ENOX1: variants seen among roughly 807,000 people sequenced by gnomAD.
ENOX1 encodes candidate growth-related and time keeping constitutive hydroquinone (NADH) oxidase.
Under a neutral mutation model 82.5 loss-of-function variants are expected in ENOX1, and 42 were observed. The observed-to-expected ratio is 0.51, with a 90% CI of 0.40 to 0.66. The LOEUF is 0.66. Ranked by LOEUF, ENOX1 falls within the 30% of genes least tolerant of loss-of-function variation. The pLI is 0.00. For synonymous variants in ENOX1, 271 were observed against 282.2 expected (o/e 0.96, Z 0.40); for missense variants, 608 against 811.6 (o/e 0.75, Z 3.05).
At chr13:43,612,561 C>T (rs948951188) in intron 2 of ENOX1, among the ~76,000 whole-genome samples, 2 of 151,972 alleles carry the variant, frequency 1.3e-5, no homozygotes, top group African/African-American at 2.4e-5. Context: ...CTTCCAAAAG[C>T]GAAAAGTAAA....
chr13:43,761,893 G>A (rs1356224048), intron 1 of ENOX1, among the ~76,000 whole-genome samples: 2 of 152,150 alleles, frequency 1.3e-5, no homozygotes, highest in African/African-American at 2.4e-5. Context: ...ATAAAAGTGT[G>A]TCTCTGCTCT....
intron 2 of ENOX1, among the ~76,000 whole-genome samples, chr13:43,575,872 T>G (rs144836132): frequency 2.8e-3 from 429 of 152,300 alleles, no homozygotes; most frequent in Middle Eastern, 0.017. Context: ...TCACTTTGAT[T>G]GTATTTTGGA....
At chr13:43,280,049 G>T (rs1867512) in intron 12 of ENOX1, among the ~76,000 whole-genome samples, 5 of 152,376 alleles carry the variant, frequency 3.3e-5, no homozygotes, top group Non-Finnish European at 7.3e-5. Context: ...ATTCTTATCA[G>T]TTTTGTTTTT....
chr13:43,426,354 A>T (rs1339021264), intron 3 of ENOX1, among the ~76,000 whole-genome samples: 1 of 152,216 alleles, frequency 6.6e-6, no homozygotes, highest in East Asian at 1.9e-4. Context: ...ATAAAAAAGA[A>T]ATCGTGCTGA....
intron 9 of ENOX1, among the ~76,000 whole-genome samples, chr13:43,343,337 C>T (rs145699611): frequency 1.3e-5 from 2 of 152,308 alleles, no homozygotes; most frequent in African/African-American, 4.8e-5. Context: ...AAGTAAAGGG[C>T]CATTCCTCAA....
Position 43,298,436 on chromosome 13 carries a change from T to C in ENOX1, c.1356A>G (p.Gln452=), listed in dbSNP as rs1328439929. The C allele has an allele frequency of 2.5e-6, 4 of 1,614,068 alleles. 1 individual carries two copies. The highest frequency in any genetic ancestry group is 1.7e-5 in the Admixed American group (1 of 60,002). Residue 452 remains glutamine, a synonymous_variant, in exon 12 of 17, where the codon CAA becomes CAG. Coordinates refer to ENST00000690772, the MANE Select transcript of ENOX1 (RefSeq NM_001347969.2). The part of the protein sequence containing the change: ...AYRNEVELLK[Q]EKEQLFRTEE... ...CTGTTCGGAAAAGCTGTTCTTTTTC[T>C]TGTTTCAGCAGCTCCACCTCATTCC...
chr13:43,297,497 T>TA (rs2046344291), intron 12 of ENOX1, among the ~76,000 whole-genome samples: 1 of 152,182 alleles, frequency 6.6e-6, no homozygotes, highest in African/African-American at 2.4e-5. Context: ...ATGATGATAA[T>TA]ATATGCTCTG....
chr13:43,225,748 C>A (rs936057818), intron 15 of ENOX1, among the ~76,000 whole-genome samples: 1 of 152,076 alleles, frequency 6.6e-6, no homozygotes, highest in Non-Finnish European at 1.5e-5. Context: ...AACAGAAAAC[C>A]AAAGGGACTC....
chr13:43,308,171 C>T (rs1330107268), intron 11 of ENOX1, among the ~76,000 whole-genome samples: 4 of 152,104 alleles, frequency 2.6e-5, no homozygotes, highest in African/African-American at 2.4e-5. Context: ...CTTTTCAAGC[C>T]GCCCTTTTTT....
intron 1 of ENOX1, among the ~76,000 whole-genome samples, chr13:43,756,058 T>C (rs1407920116): frequency 2.0e-5 from 3 of 152,190 alleles, no homozygotes; most frequent in Non-Finnish European, 2.9e-5. Context: ...GGTTGACACA[T>C]TCGGGGTGAC....
At chr13:43,518,586 A>G (rs1463191000) in intron 2 of ENOX1, among the ~76,000 whole-genome samples, 1 of 151,180 alleles carries the variant, frequency 6.6e-6, no homozygotes, top group Non-Finnish European at 1.5e-5. Flanking sequence ...TAGAAAGGTG[A>G]CCAGATTTCC....
intron 14 of ENOX1, among the ~76,000 whole-genome samples, chr13:43,256,201 T>C (rs1007520722): frequency 2.0e-5 from 3 of 152,154 alleles, no homozygotes; most frequent in African/African-American, 7.2e-5. Flanking sequence ...ATGAAACTAC[T>C]AGGAGAAAAC....
At chr13:43,443,015 T>C (rs1332474094) in intron 3 of ENOX1, among the ~76,000 whole-genome samples, 1 of 152,192 alleles carries the variant, frequency 6.6e-6, no homozygotes, top group African/African-American at 2.4e-5. Context: ...GAAATGCCTT[T>C]ATCATTCTGG....
At chr13:43,454,915 C>T (rs1216311294) in intron 3 of ENOX1, among the ~76,000 whole-genome samples, 4 of 151,950 alleles carry the variant, frequency 2.6e-5, no homozygotes, top group Non-Finnish European at 4.4e-5. Flanking sequence ...AGGAGCCTCC[C>T]GTCCAGCCCC....
intron 9 of ENOX1, among the ~76,000 whole-genome samples, chr13:43,328,712 A>C (rs1040599086): frequency 6.6e-6 from 1 of 152,200 alleles, no homozygotes; most frequent in Non-Finnish European, 1.5e-5. Context: ...GGGTAAAAGG[A>C]GATCCCCTAA....
intron 8 of ENOX1, among the ~76,000 whole-genome samples, chr13:43,348,090 C>T (rs1211233433): frequency 6.6e-6 from 1 of 152,192 alleles, no homozygotes; most frequent in Non-Finnish European, 1.5e-5. Flanking sequence ...TGCATCTGCT[C>T]ATGCTGTGCA....
At position 43,548,704 on chromosome 13, in the gene ENOX1, A is replaced by G. The variant is rs867368880; in HGVS notation, c.-218-64552T>C. ...TCTGAATGGCCAGCCCTGGTGGCCTATTCCTACAGATGTACCACTTGGATT... is the reference window on the plus strand; with the variant it reads ...TCTGAATGGCCAGCCCTGGTGGCCTGTTCCTACAGATGTACCACTTGGATT... On this transcript the variant is annotated intron_variant, in intron 2 of 16. Coordinates refer to ENST00000690772, the MANE Select transcript of ENOX1 (RefSeq NM_001347969.2). Among the ~76,000 whole-genome samples the G allele has an allele frequency of 3.3e-5, 5 of 152,292 alleles. 1 individual carries two copies. The Middle Eastern group carries it at 0.014, about 414-fold the overall frequency.
intron 7 of ENOX1, 52 bp downstream of exon 7, chr13:43,359,799 A>C: frequency 3.3e-6 from 5 of 1,537,058 alleles, no homozygotes; most frequent in Non-Finnish European, 3.6e-6. Flanking sequence ...TCATATTAAC[A>C]TCACAAAACA....
chr13:43,371,118 C>A (rs2051213990), intron 5 of ENOX1, among the ~76,000 whole-genome samples: 1 of 152,150 alleles, frequency 6.6e-6, no homozygotes, highest in Non-Finnish European at 1.5e-5. Flanking sequence ...TGACTTTGTA[C>A]AGCAGGACTG....
Sources: gnomAD v4.1 joint callset for allele counts (sites outside exome capture counted in the v4.1 genomes callset) on GRCh38, gnomAD v4.1.1 for gene constraint, MANE v1.5 for transcripts, NCBI Gene and HGNC (gene_info 2026-07-23, HGNC 2026-07-21) for gene names.